Variants in HCN1 observed in about 807,000 individuals in gnomAD.
The protein encoded by HCN1 is hyperpolarization activated cyclic nucleotide gated potassium channel 1, also known as potassium/sodium hyperpolarization-activated cyclic nucleotide-gated channel 1.
HCN1 carries 13 observed loss-of-function variants against 78.9 expected under a neutral mutation model. The observed-to-expected ratio is 0.16, with a 90% confidence interval of 0.11 to 0.26. The LOEUF is 0.26. HCN1 is among the 10% of genes least tolerant of loss of function. HCN1 has a pLI of 1.00. For synonymous variants in HCN1, 552 were observed against 455.5 expected, an observed-to-expected ratio of 1.21 and a Z score of -2.70; for missense variants, 810 against 1,154.3, an observed-to-expected ratio of 0.70 and a Z score of 4.32.
intron 2 of HCN1, among the ~76,000 whole-genome samples, chr5:45,610,992 T>C (rs1744822450): frequency 6.6e-6 from 1 of 151,768 alleles, no homozygotes; most frequent in South Asian, 2.1e-4. Context: ...AGAAATTCAA[T>C]GAATATTTTG....
chr5:45,477,674 T>A (rs1018417797), intron 2 of HCN1, among the ~76,000 whole-genome samples: 2 of 152,082 alleles, frequency 1.3e-5, no homozygotes, highest in African/African-American at 4.8e-5. Flanking sequence ...ATATTTTAAG[T>A]TAAATAACAT....
At chr5:45,303,498 A>G in intron 6 of HCN1, 101 bp downstream of exon 6, 1 of 1,246,448 alleles carries the variant, frequency 8.0e-7, no homozygotes, top group South Asian at 1.2e-5. Context: ...ACAGGTTTAC[A>G]TTCAAAACCA....
intron 6 of HCN1, among the ~76,000 whole-genome samples, chr5:45,274,898 ATAC>A (rs1745025373): frequency 6.6e-6 from 1 of 152,184 alleles, no homozygotes; most frequent in Non-Finnish European, 1.5e-5. Flanking sequence ...TATAATCTTT[ATAC>A]TAAACTATAA....
intron 1 of HCN1, among the ~76,000 whole-genome samples, chr5:45,668,991 A>G (rs1353813040): frequency 6.6e-6 from 1 of 151,830 alleles, no homozygotes; most frequent in African/African-American, 2.4e-5. Context: ...TGAATGTAGA[A>G]GGGCTGAACT....
chr5:45,622,135 T>C (rs897017872), intron 2 of HCN1, among the ~76,000 whole-genome samples: 2 of 151,638 alleles, frequency 1.3e-5, no homozygotes, highest in African/African-American at 4.8e-5. Context: ...GGCAGGAGAA[T>C]GGCGTGAACC....
At chr5:45,493,600 T>C (rs892416143) in intron 2 of HCN1, among the ~76,000 whole-genome samples, 1 of 151,990 alleles carries the variant, frequency 6.6e-6, no homozygotes, top group Non-Finnish European at 1.5e-5. Context: ...TTTATTTTTT[T>C]TTATTTATTA....
chr5:45,541,474 T>C (rs1743106576), intron 2 of HCN1, among the ~76,000 whole-genome samples: 1 of 152,190 alleles, frequency 6.6e-6, no homozygotes, highest in Non-Finnish European at 1.5e-5. Context: ...CTATGATCCT[T>C]TTGTACTTGG....
intron 4 of HCN1, among the ~76,000 whole-genome samples, chr5:45,357,875 C>T (rs945325094): frequency 6.6e-6 from 1 of 152,030 alleles, no homozygotes; most frequent in African/African-American, 2.4e-5. Flanking sequence ...TGCCCTCCCT[C>T]AGGCGTGAGT....
chr5:45,459,864 G>A (rs1412596357), intron 3 of HCN1, among the ~76,000 whole-genome samples: 1 of 151,956 alleles, frequency 6.6e-6, no homozygotes, highest in Non-Finnish European at 1.5e-5. Context: ...TAGAGCTGTT[G>A]CCTTTTCTTC....
intron 5 of HCN1, among the ~76,000 whole-genome samples, chr5:45,349,117 T>G (rs1746825554): frequency 6.6e-6 from 1 of 152,124 alleles, no homozygotes; most frequent in Non-Finnish European, 1.5e-5. Context: ...GACCACATAC[T>G]TGGAAGTAAA....
At chr5:45,388,861 T>C (rs1027786726) in intron 4 of HCN1, among the ~76,000 whole-genome samples, 5 of 152,144 alleles carry the variant, frequency 3.3e-5, no homozygotes, top group African/African-American at 1.2e-4. Flanking sequence ...TAATGGCTAT[T>C]TAGTATTCCC....
chr5:45,312,047 G>A lies in HCN1; in HGVS notation c.1378-8208C>T, dbSNP rs142867348. Among the ~76,000 whole-genome samples, 230 of 152,296 alleles carry A rather than the reference G, an allele frequency of 1.5e-3. 2 individuals are homozygous for A. Among genetic ancestry groups the A allele is most frequent in the Middle Eastern group, 6.8e-3 (2 of 294 alleles). ...ACATATATTTGTATTCATTAAGAAGGTGTCTTAAAAGATGACATGAGATAG... is the reference window on the plus strand; with the variant it reads ...ACATATATTTGTATTCATTAAGAAGATGTCTTAAAAGATGACATGAGATAG... On this transcript the variant is annotated intron_variant, in intron 5 of 7. Transcript: ENST00000303230.
chr5:45,385,927 T>G (rs529602058), intron 4 of HCN1, among the ~76,000 whole-genome samples: 1 of 152,268 alleles, frequency 6.6e-6, no homozygotes, highest in South Asian at 2.1e-4. Context: ...AGCTTAGCTC[T>G]ACAATCCTCC....
At position 45,353,086 on chromosome 5, in the gene HCN1, A is replaced by C; in HGVS notation, c.1377+14T>G. 1 of 1,598,612 alleles carries C rather than the reference A, an allele frequency of 6.3e-7. No homozygotes were observed. The highest frequency in any genetic ancestry group is 8.6e-7 in the Non-Finnish European group (1 of 1,167,712). ...TGATTATGTATTATGCATACTGAGG[A>C]CAATAAATCTTACCTCTCTCAGAGG... On this transcript the variant is annotated intron_variant, in intron 5 of 7. Coordinates refer to ENST00000303230, the MANE Select transcript of HCN1 (RefSeq NM_021072.4).
intron 2 of HCN1, among the ~76,000 whole-genome samples, chr5:45,524,152 T>C (rs1248457893): frequency 1.3e-5 from 2 of 152,306 alleles, no homozygotes; most frequent in East Asian, 3.9e-4. Context: ...CTCAGGTTTG[T>C]CAAAGATCAG....
chr5:45,541,715 T>C (rs772246010), intron 2 of HCN1, among the ~76,000 whole-genome samples: 5 of 152,196 alleles, frequency 3.3e-5, no homozygotes, highest in Non-Finnish European at 5.9e-5. Context: ...CAGAACACTG[T>C]GGCTTACTGA....
At chr5:45,607,579 T>TTATATATATA (rs146363579) in intron 2 of HCN1, among the ~76,000 whole-genome samples, 3 of 127,888 alleles carry the variant, frequency 2.3e-5, no homozygotes, top group Non-Finnish European at 5.5e-5. Flanking sequence ...CACAATATCA[T>TTATATATATA]TATATATATA....
At chr5:45,349,633 G>A (rs925994140) in intron 5 of HCN1, among the ~76,000 whole-genome samples, 2 of 151,752 alleles carry the variant, frequency 1.3e-5, no homozygotes, top group East Asian at 3.9e-4. Context: ...CTAGCAAGAC[G>A]AATAAAGTAG....
At chr5:45,469,013 G>T (rs1741334817) in intron 2 of HCN1, among the ~76,000 whole-genome samples, 2 of 151,588 alleles carry the variant, frequency 1.3e-5, no homozygotes, top group South Asian at 2.1e-4. Flanking sequence ...TGACAACTTG[G>T]AATAGGTCAA....
Sources: allele counts gnomAD v4.1 joint callset (sites outside exome capture counted in the v4.1 genomes callset), GRCh38; gene constraint gnomAD v4.1.1; transcripts MANE v1.5; gene names NCBI Gene and HGNC (gene_info 2026-07-23, HGNC 2026-07-21).